The following TMC8 variants were observed in gnomAD, a reference collection of about 807,000 sequenced individuals.
The protein encoded by TMC8 is transmembrane channel like 8.
In TMC8, 71 loss-of-function variants were observed where a neutral mutation model predicts 76.0. The ratio of observed to expected loss-of-function variants is 0.93; its 90% confidence interval spans 0.77 to 1.14. The LOEUF (loss-of-function observed/expected upper bound fraction) is 1.14, where lower values mean the gene tolerates loss of function less well. Ranked by LOEUF, TMC8 falls within the 50% of genes most tolerant of loss-of-function variation. The probability of loss-of-function intolerance (pLI) is 0.00; values close to 1 mark genes in which losing one functional copy is unlikely to be tolerated. For missense variants in TMC8, 924 were observed against 947.9 expected, an observed-to-expected ratio of 0.97 and a Z score of 0.33; for synonymous variants, 433 against 433.8, an observed-to-expected ratio of 1.00 and a Z score of 0.02.
chr17:78,138,811 G>T lies in TMC8; in HGVS notation c.1823+79G>T, dbSNP rs762222695. Reference sequence around the variant, plus strand: ...CCTTCCATGGGGGTGGTGAGCCTGTGCACCCCCAACCAGGAGCCAGACGCA... The same window carrying T: ...CCTTCCATGGGGGTGGTGAGCCTGTTCACCCCCAACCAGGAGCCAGACGCA... On this transcript the variant is annotated intron_variant, in intron 14 of 15. Transcript: ENST00000318430. The T allele has an allele frequency of 1.9e-6, 3 of 1,587,336 alleles. No homozygotes were observed. The Admixed American group carries it at 5.2e-5, about 27-fold the overall frequency.
Position 78,138,671 on chromosome 17 carries a change from C to T in TMC8, c.1762C>T (p.Gln588Ter), listed in dbSNP as rs758660770. The change falls in exon 14 of 16, where the codon CAG (glutamine) becomes TAG (stop). Residue 588 changes from glutamine to a stop codon, truncating the protein, a stop_gained. Transcript: ENST00000318430. LOFTEE classifies it high-confidence loss of function. ...LVALGLPPIG[Q>*]RALHYLGSHA... ...GGCCCTTGGGCTCCCGCCCATTGGCCAGCGTGCCCTCCACTACCTGGGCTC... is the reference window on the plus strand; with the variant it reads ...GGCCCTTGGGCTCCCGCCCATTGGCTAGCGTGCCCTCCACTACCTGGGCTC... 1.2e-6 allele frequency: 2 copies of T among 1,613,614 alleles called. No homozygotes were observed. The highest frequency in any genetic ancestry group is 2.2e-5 in the South Asian group (2 of 91,086).
intron 9 of TMC8, among the ~76,000 whole-genome samples, chr17:78,135,775 A>G (rs2075210064): frequency 6.6e-6 from 1 of 152,146 alleles, no homozygotes; most frequent in Non-Finnish European, 1.5e-5. Context: ...TTATTTTTTG[A>G]GGCCGGGCAT....
chr17:78,137,442 C>T, intron 10 of TMC8, 84 bp downstream of exon 10: 1 of 1,603,736 alleles, frequency 6.2e-7, no homozygotes, highest in South Asian at 1.1e-5. Context: ...CCTGTTCCTG[C>T]CCCTTTAGTC....
rs2074973444 is a variant in TMC8, at chr17:78,131,673, C to A, written c.85C>A (p.Leu29Met). ...GCTGTGGGAGGCAGAGATGGAGCGG[C>A]TGCGCGGCTCTGGGACGCCCGTGCG... ...EELWEAEMER[L>M]RGSGTPVRGL... Residue 29 changes from leucine (L) to methionine (M), a missense_variant, in exon 2 of 16, where the codon CTG (leucine) becomes ATG (methionine). Leu to Met is a conservative substitution (Grantham distance 15). Transcript: ENST00000318430. 1.9e-6 allele frequency: 3 copies of A among 1,571,348 alleles called. No homozygotes were observed. Among genetic ancestry groups the A allele is most frequent in the East Asian group, 4.7e-5 (2 of 42,848 alleles).
chr17:78,142,335 A>G lies in TMC8; in HGVS notation c.*1223A>G, dbSNP rs2075386431. ...AGAACTGTCAGGAGGGAAGGTCAGA[A>G]GTCCCAGGATGCACTTGAAAAGCCT... On this transcript the variant is annotated 3_prime_UTR_variant, in exon 16 of 16. Transcript: ENST00000318430. 6.6e-6 allele frequency: 1 copy of G among 152,234 alleles called. No homozygotes were observed. The highest frequency in any genetic ancestry group is 2.4e-5 in the African/African-American group (1 of 41,450). 9.4% of individuals were successfully genotyped at this position (152,234 alleles called of 1,614,324 possible). A position where few individuals can be genotyped will look rare whatever the true frequency, so the allele number is the denominator to read the frequency against.
chr17:78,133,493 C>T lies in TMC8; in HGVS notation c.619C>T (p.Leu207Phe). 6.2e-7 allele frequency: 1 copy of T among 1,613,634 alleles called. No individual in the cohort carries two copies. The highest frequency in any genetic ancestry group is 8.5e-7 in the Non-Finnish European group (1 of 1,180,020). Reference sequence around the variant, plus strand: ...GTACAGCATCCGCCTGGCCTACCTCCTCAGCCCGCTGGCCTGCCTGCTCCT... The same window carrying T: ...GTACAGCATCCGCCTGGCCTACCTCTTCAGCCCGCTGGCCTGCCTGCTCCT... ...SVYSIRLAYLLSPLACLLLCF... is the reference protein window; with the variant it reads ...SVYSIRLAYLFSPLACLLLCF... The change falls in exon 6 of 16, where the codon CTC becomes TTC. Residue 207 changes from leucine (L) to phenylalanine (F), a missense_variant. Physicochemically the swap from Leu to Phe is conservative, Grantham distance 22 (BLOSUM62 0). Transcript: ENST00000318430.
chr17:78,131,840 G>C (rs552487418), intron 2 of TMC8, 42 bp from the exon 3 acceptor site: 4 of 1,481,240 alleles, frequency 2.7e-6, no homozygotes, highest in Non-Finnish European at 3.6e-6. Context: ...GGGTGGGCAG[G>C]GCGGGTGACT....
chr17:78,137,232 C>G lies in TMC8; in HGVS notation c.1128-3C>G, dbSNP rs753333357. 6.8e-6 allele frequency: 11 copies of G among 1,613,578 alleles called. No homozygotes were observed. Among genetic ancestry groups the G allele is most frequent in the African/African-American group, 2.7e-5 (2 of 74,906 alleles). On this transcript the variant is annotated splice_region_variant and splice_polypyrimidine_tract_variant and intron_variant, in intron 9 of 15. Transcript: ENST00000318430. ...CTCCACCTGACAAGGTCCCTGCCCC[C>G]AGGTGCGTGGTGCTGAAGCTGGCCA...
intron 6 of TMC8, 82 bp downstream of exon 6, chr17:78,133,624 T>G: frequency 6.3e-7 from 1 of 1,593,230 alleles, no homozygotes; most frequent in Non-Finnish European, 8.5e-7. Flanking sequence ...ACCCTCCCAT[T>G]GGCAGGAAGG....
In TMC8 at chr17:78,140,631, G is replaced by A. The variant is rs73999647; in HGVS notation, c.1903-203G>A. On this transcript the variant is annotated intron_variant, in intron 15 of 15. Coordinates refer to ENST00000318430, the MANE Select transcript of TMC8 (RefSeq NM_152468.5). ...CGGGACTCCTGAGGGCGTGGTCTAG[G>A]GCTGCATCGGGGCGGGACCCTGGTG... Among the ~76,000 whole-genome samples the A allele has an allele frequency of 0.016, 2,363 of 151,208 alleles. 64 individuals carry two copies. Among genetic ancestry groups the A allele is most frequent in the African/African-American group, 0.054 (2,235 of 41,138 alleles).
At position 78,139,067 on chromosome 17, in the gene TMC8, G is replaced by T. The variant is rs73999646; in HGVS notation, c.1824-95G>T. ...TGTGCAGTGAGAAGACCCCAGTACCGCGTATTGTAGAGATTGAGGTGGGGA... is the reference window on the plus strand; with the variant it reads ...TGTGCAGTGAGAAGACCCCAGTACCTCGTATTGTAGAGATTGAGGTGGGGA... On this transcript the variant is annotated intron_variant, in intron 14 of 15. Transcript: ENST00000318430. 104,610 of 1,583,618 alleles carry T rather than the reference G, an allele frequency of 0.066. 7,313 individuals are homozygous for T. The highest frequency in any genetic ancestry group is 0.31 in the Admixed American group (18,372 of 59,846).
At chr17:78,134,095 G>A in intron 7 of TMC8, 95 bp downstream of exon 7, 4 of 1,568,524 alleles carry the variant, frequency 2.6e-6, no homozygotes, top group Non-Finnish European at 3.5e-6. Context: ...GCGAGCAAGT[G>A]CGACCGTGCC....
At position 78,133,422 on chromosome 17, in the gene TMC8, A is replaced by G. The variant is rs756858053; in HGVS notation, c.548A>G (p.Tyr183Cys). 6.2e-6 allele frequency: 10 copies of G among 1,613,612 alleles called. No individual in the cohort carries two copies. The highest frequency in any genetic ancestry group is 7.6e-6 in the Non-Finnish European group (9 of 1,180,024). The change falls in exon 6 of 16, where the codon TAT (tyrosine) becomes TGT (cysteine). Residue 183 changes from tyrosine (Y) to cysteine (C), a missense_variant. Physicochemically the swap from Tyr to Cys is radical, Grantham distance 194. Coordinates refer to ENST00000318430, the MANE Select transcript of TMC8 (RefSeq NM_152468.5). Reference sequence around the variant, plus strand: ...TGTCCCCAGGCCTTCACCAACACCTATCTCTTCTACGGTGCGTACCGAGTG... The same window carrying G: ...TGTCCCCAGGCCTTCACCAACACCTGTCTCTTCTACGGTGCGTACCGAGTG... ...VLTGRAFTNTYLFYGAYRVGP... is the reference protein window; with the variant it reads ...VLTGRAFTNTCLFYGAYRVGP...
In TMC8 at chr17:78,134,943, T is replaced by C; in HGVS notation, c.1061T>C (p.Leu354Pro). 6.2e-7 allele frequency: 1 copy of C among 1,614,184 alleles called. No homozygotes were observed. Among genetic ancestry groups the C allele is most frequent in the Non-Finnish European group, 8.5e-7 (1 of 1,180,004 alleles). ...CTGGTCAACTTCCTGGGTCCCCTGCTGTTCACATTTCTGGTCCAGCTGGAG... is the reference window on the plus strand; with the variant it reads ...CTGGTCAACTTCCTGGGTCCCCTGCCGTTCACATTTCTGGTCCAGCTGGAG... Reference protein sequence around the residue: ...IALVNFLGPLLFTFLVQLENY... With the variant: ...IALVNFLGPLPFTFLVQLENY... Residue 354 changes from leucine to proline, a missense_variant, in exon 9 of 16, where the codon CTG becomes CCG. Leu to Pro is a moderately conservative substitution (Grantham distance 98). Transcript: ENST00000318430.
chr17:78,133,277 G>A, intron 5 of TMC8, 129 bp from the exon 6 acceptor site: 2 of 1,454,018 alleles, frequency 1.4e-6, no homozygotes, highest in Non-Finnish European at 1.9e-6. Context: ...ACCTCTGTGG[G>A]CCCTTGTAAG....
At position 78,133,396 on chromosome 17, in the gene TMC8, C is replaced by T. The variant is rs1310971439; in HGVS notation, c.532-10C>T. The T allele has an allele frequency of 5.0e-6, 8 of 1,613,750 alleles. No individual in the cohort carries two copies. The highest frequency in any genetic ancestry group is 6.8e-6 in the Non-Finnish European group (8 of 1,180,028). ...TCACCCGGGCTGGGTATCTTCGTCGCTGTCCCCAGGCCTTCACCAACACCT... is the reference window on the plus strand; with the variant it reads ...TCACCCGGGCTGGGTATCTTCGTCGTTGTCCCCAGGCCTTCACCAACACCT... On this transcript the variant is annotated splice_polypyrimidine_tract_variant and intron_variant, in intron 5 of 15. Transcript: ENST00000318430.
Position 78,133,392 on chromosome 17 carries a change from G to A in TMC8, c.532-14G>A, listed in dbSNP as rs751393451. 1.1e-5 allele frequency: 18 copies of A among 1,613,670 alleles called. No individual in the cohort carries two copies. The highest frequency in any genetic ancestry group is 3.3e-5 in the Admixed American group (2 of 60,024). ...GTGCTCACCCGGGCTGGGTATCTTCGTCGCTGTCCCCAGGCCTTCACCAAC... is the reference window on the plus strand; with the variant it reads ...GTGCTCACCCGGGCTGGGTATCTTCATCGCTGTCCCCAGGCCTTCACCAAC... On this transcript the variant is annotated splice_polypyrimidine_tract_variant and intron_variant, in intron 5 of 15. Coordinates refer to ENST00000318430, the MANE Select transcript of TMC8 (RefSeq NM_152468.5).
intron 8 of TMC8, 91 bp downstream of exon 8, chr17:78,134,655 A>G: frequency 6.4e-7 from 1 of 1,565,668 alleles, no homozygotes; most frequent in Non-Finnish European, 8.7e-7. Context: ...ACCGAGGCTC[A>G]GAGAGGTTCA....
chr17:78,140,644 C>A (rs1249617360), intron 15 of TMC8, among the ~76,000 whole-genome samples, 190 bp from the exon 16 acceptor site: 1 of 146,434 alleles, frequency 6.8e-6, no homozygotes, highest in African/African-American at 2.6e-5. Context: ...TGCATCGGGG[C>A]GGGACCCTGG....
Sources: allele counts gnomAD v4.1 joint callset (sites outside exome capture counted in the v4.1 genomes callset), GRCh38; gene constraint gnomAD v4.1.1; transcripts MANE v1.5; gene names NCBI Gene and HGNC (gene_info 2026-07-23, HGNC 2026-07-21).